Variants in RNF19A observed in about 807,000 individuals in gnomAD.
The protein encoded by RNF19A is ring finger protein 19A, RBR E3 ubiquitin protein ligase.
Under a neutral mutation model 75.7 loss-of-function variants are expected in RNF19A, and 32 were observed. The ratio of observed to expected loss-of-function variants is 0.42; its 90% confidence interval spans 0.32 to 0.57. The LOEUF (loss-of-function observed/expected upper bound fraction) is 0.57. Among genes scored for constraint, RNF19A ranks in the 20% least tolerant of loss-of-function variants. The pLI, the probability that RNF19A is intolerant of heterozygous loss-of-function variation, is 0.10. For missense variants in RNF19A, 782 were observed against 1,036.3 expected (o/e 0.75, Z 3.37); for synonymous variants, 335 against 345.2 (o/e 0.97, Z 0.33).
chr8:100,285,501 A>G (rs1225218338), intron 2 of RNF19A, among the ~76,000 whole-genome samples: 1 of 152,214 alleles, frequency 6.6e-6, no homozygotes, highest in African/African-American at 2.4e-5. Context: ...TGATGACATT[A>G]CCAATCAATC....
In RNF19A at chr8:100,325,015, T is replaced by C. The variant is rs1586701687; in HGVS notation, c.-243+11093A>G. Among the ~76,000 whole-genome samples the C allele has an allele frequency of 6.6e-6, 1 of 152,088 alleles. No homozygotes were observed. Among genetic ancestry groups the C allele is most frequent in the African/African-American group, 2.4e-5 (1 of 41,398 alleles). The stretch of plus-strand genomic sequence containing the variant: ...TCCACCTCCCAGGTTCAACCCATTC[T>C]CCTGCCTCAGCCTCTCGAGTAGCTG... On this transcript the variant is annotated intron_variant, in intron 1 of 3. Transcript: ENST00000519527. This position sits in a 1 kb window ranked among gnomAD's most constrained non-coding sequence, Gnocchi z 4.3.
At chr8:100,286,289 C>T (rs1821013932) in intron 2 of RNF19A, among the ~76,000 whole-genome samples, 1 of 152,202 alleles carries the variant, frequency 6.6e-6, no homozygotes, top group East Asian at 1.9e-4. Context: ...CACAGCTAAC[C>T]TTGGCCCAGT....
Position 100,259,214 on chromosome 8 carries a change from A to T in RNF19A, c.1859T>A (p.Ile620Asn). ...EGNSMEVQVD[I>N]ESKPSKFRHN... ...CCTGAATTTGGATGGCTTTGACTCA[A>T]TATCTACTTGCACCTCCATACTGTT... The change falls in exon 10 of 10, where the codon ATT becomes AAT. Residue 620 changes from isoleucine (I) to asparagine (N), a missense_variant. By Grantham distance (149) the Ile-to-Asn change is moderately radical. Transcript: ENST00000341084. The surrounding 1 kb of genome is among the most constrained non-coding windows in gnomAD (Gnocchi z 4.5). 2 of 1,613,374 alleles carry T rather than the reference A, an allele frequency of 1.2e-6. No individual in the cohort carries two copies. The highest frequency in any genetic ancestry group is 1.7e-6 in the Non-Finnish European group (2 of 1,179,882).
At chr8:100,310,889 T>G (rs1822277853), upstream of RNF19A, among the ~76,000 whole-genome samples, 1 of 151,552 alleles carries the variant, frequency 6.6e-6, no homozygotes. Flanking sequence ...ATATCCCCTT[T>G]GAATGTTTCA....
rs1820129211 is a variant in RNF19A, at chr8:100,269,008, C to G, written c.1029-61G>C. Reference sequence around the variant, plus strand: ...AAAACACCACAATAACAAATTAGTGCACTATATTAAAACAATGACTATTTT... The same window carrying G: ...AAAACACCACAATAACAAATTAGTGGACTATATTAAAACAATGACTATTTT... On this transcript the variant is annotated intron_variant, in intron 4 of 9. Coordinates refer to ENST00000341084, the MANE Select transcript of RNF19A (RefSeq NM_183419.4). This position sits in a 1 kb window ranked among gnomAD's most constrained non-coding sequence, Gnocchi z 5.7. 2 of 1,377,924 alleles carry G rather than the reference C, an allele frequency of 1.5e-6. No homozygotes were observed. The highest frequency in any genetic ancestry group is 2.0e-6 in the Non-Finnish European group (2 of 1,014,760). The allele number at this position is 1,377,924 out of a possible 1,614,324, so 85.4% of individuals were successfully genotyped here. A position where few individuals can be genotyped will look rare whatever the true frequency, so the allele number is the denominator to read the frequency against.
Position 100,264,395 on chromosome 8 carries a change from A to G in RNF19A, c.1307-200T>C. Reference sequence around the variant, plus strand: ...GTTCCCAGCCTTTCAGGTAATGCACATAAGGGGAAAAAGAGAGAGATGCAA... The same window carrying G: ...GTTCCCAGCCTTTCAGGTAATGCACGTAAGGGGAAAAAGAGAGAGATGCAA... On this transcript the variant is annotated intron_variant, in intron 6 of 9. Transcript: ENST00000341084. This position sits in a 1 kb window ranked among gnomAD's most constrained non-coding sequence, Gnocchi z 4.7. 5.1e-6 allele frequency: 3 copies of G among 593,508 alleles called. No homozygotes were observed. The highest frequency in any genetic ancestry group is 2.3e-5 in the South Asian group (1 of 42,786). The allele number at this position is 593,508 out of a possible 1,614,324, so 36.8% of individuals were successfully genotyped here. A position where few individuals can be genotyped will look rare whatever the true frequency, so the allele number is the denominator to read the frequency against.
In RNF19A at chr8:100,333,120, G is replaced by A. The variant is rs1280753383; in HGVS notation, c.-243+2988C>T. Among the ~76,000 whole-genome samples, 1 of 151,954 alleles carries A rather than the reference G, an allele frequency of 6.6e-6. No individual in the cohort carries two copies. On this transcript the variant is annotated intron_variant, in intron 1 of 3. Transcript: ENST00000519527. This position sits in a 1 kb window ranked among gnomAD's most constrained non-coding sequence, Gnocchi z 4.7. ...AAACCTAGGTTCTGCCTTCATAAAT[G>A]GGGTGGGTTAACATGGGAGTGGGTT... is the stretch of plus-strand genomic sequence containing the variant.
intron 2 of RNF19A, among the ~76,000 whole-genome samples, chr8:100,276,468 C>T (rs556394091): frequency 2.0e-5 from 3 of 151,870 alleles, no homozygotes; most frequent in South Asian, 2.1e-4. Context: ...GAGAGCAACA[C>T]AGGCCAGGCA....
chr8:100,319,566 G>C (rs1368417848), intron 1 of RNF19A, among the ~76,000 whole-genome samples: 2 of 129,676 alleles, frequency 1.5e-5, no homozygotes, highest in African/African-American at 5.8e-5. Flanking sequence ...GTCTCACTCT[G>C]TCATCCAGGC....
intron 1 of RNF19A, among the ~76,000 whole-genome samples, chr8:100,291,236 T>C (rs1413497314): frequency 6.6e-6 from 1 of 152,216 alleles, no homozygotes. Context: ...AATTGACATG[T>C]GTTAAACCTG....
At position 100,268,932 on chromosome 8, in the gene RNF19A, A is replaced by G. The variant is rs1159735493; in HGVS notation, c.1044T>C (p.Thr348=). 5.0e-6 allele frequency: 8 copies of G among 1,588,234 alleles called. No individual in the cohort carries two copies. Among genetic ancestry groups the G allele is most frequent in the East Asian group, 2.3e-5 (1 of 43,478 alleles). Residue 348 remains threonine (T), a synonymous_variant, in exon 5 of 10, where the codon ACT becomes ACC. Transcript: ENST00000341084. ...DLHYLSPSGC[T]FWGKKPWSRK... ...GGCTCCAGGGTTTCTTCCCCCAAAA[A>G]GTACATCCTGATGGACTAACGGAAA...
intron 2 of RNF19A, among the ~76,000 whole-genome samples, chr8:100,285,801 G>T (rs1027898020): frequency 2.6e-5 from 4 of 151,860 alleles, no homozygotes; most frequent in Non-Finnish European, 5.9e-5. Context: ...CCCAGTTGTA[G>T]ATTTTTTTTA....
intron 1 of RNF19A, among the ~76,000 whole-genome samples, chr8:100,295,699 A>T (rs1821523167): frequency 6.6e-6 from 1 of 152,230 alleles, no homozygotes; most frequent in African/African-American, 2.4e-5. Context: ...TAATTATCAT[A>T]AGCCATCCTT....
At position 100,287,829 on chromosome 8, in the gene RNF19A, C is replaced by T. The variant is rs1416219710; in HGVS notation, c.346G>A (p.Asp116Asn). ...TTGCTGATGGAAGTTAATCCATTGT[C>T]AGAAGAGGTATTTGTAGAGAAAATG... ...NSIFSTNTSSDNGLTSISKQI... is the reference protein window; with the variant it reads ...NSIFSTNTSSNNGLTSISKQI... Residue 116 changes from aspartate (D) to asparagine (N), a missense_variant, in exon 2 of 10, where the codon GAC becomes AAC. Coordinates refer to ENST00000341084, the MANE Select transcript of RNF19A (RefSeq NM_183419.4). The surrounding 1 kb of genome is among the most constrained non-coding windows in gnomAD (Gnocchi z 4.1). The T allele has an allele frequency of 6.2e-7, 1 of 1,614,138 alleles. No individual in the cohort carries two copies.
intron 1 of RNF19A, among the ~76,000 whole-genome samples, chr8:100,296,816 T>C (rs1821586556): frequency 6.6e-6 from 1 of 152,222 alleles, no homozygotes; most frequent in South Asian, 2.1e-4. Flanking sequence ...TTCTATTCCA[T>C]TAGAAGTATT....
At chr8:100,312,732 G>A (rs1788168), upstream of RNF19A, among the ~76,000 whole-genome samples, 1 of 151,808 alleles carries the variant, frequency 6.6e-6, no homozygotes, top group African/African-American at 2.4e-5. Context: ...GATACCAGCC[G>A]GGACAACATG....
At chr8:100,313,840 G>A (rs934787044), upstream of RNF19A, among the ~76,000 whole-genome samples, 3 of 151,570 alleles carry the variant, frequency 2.0e-5, no homozygotes, top group African/African-American at 7.3e-5. Context: ...GGTTTTAGAG[G>A]TATAATCAGT....
intron 1 of RNF19A, among the ~76,000 whole-genome samples, chr8:100,319,630 A>G (rs144953980): frequency 0.044 from 6,674 of 151,168 alleles, 447 homozygotes; most frequent in African/African-American, 0.14. Context: ...CCCAGGTTCA[A>G]GTGATTCTCC....
At position 100,258,249 on chromosome 8, in the gene RNF19A, T is replaced by C. The variant is rs1316442347; in HGVS notation, c.*307A>G. Reference sequence around the variant, plus strand: ...TTGCATTAGTATTTTATATTGATTATATAAATTAAGACCAATTTCTATCTA... The same window carrying C: ...TTGCATTAGTATTTTATATTGATTACATAAATTAAGACCAATTTCTATCTA... On this transcript the variant is annotated 3_prime_UTR_variant, in exon 10 of 10. Coordinates refer to ENST00000341084, the MANE Select transcript of RNF19A (RefSeq NM_183419.4). The surrounding 1 kb of genome is among the most constrained non-coding windows in gnomAD (Gnocchi z 4.3). 1.6e-5 allele frequency: 7 copies of C among 425,716 alleles called. No homozygotes were observed. The highest frequency in any genetic ancestry group is 3.9e-5 in the Admixed American group (1 of 25,330). 26.4% of individuals were successfully genotyped at this position (425,716 alleles called of 1,614,324 possible).
Sources: allele counts gnomAD v4.1 joint callset (sites outside exome capture counted in the v4.1 genomes callset), GRCh38; gene constraint gnomAD v4.1.1; non-coding constraint Gnocchi (gnomAD v3.1); transcripts MANE v1.5; gene names NCBI Gene and HGNC (gene_info 2026-07-23, HGNC 2026-07-21).